Variants in MAG observed in about 807,000 individuals in gnomAD.
MAG encodes the protein myelin-associated glycoprotein.
MAG carries 30 observed loss-of-function variants against 60.7 expected under a neutral mutation model. The ratio of observed to expected loss-of-function variants is 0.49; its 90% CI spans 0.37 to 0.67. The LOEUF is 0.67. Ranked by LOEUF, MAG falls within the 30% of genes least tolerant of loss-of-function variation. The pLI is 0.00. For synonymous variants in MAG, 384 were observed against 376.8 expected (o/e 1.02, Z -0.22); for missense variants, 795 against 851.7 (o/e 0.93, Z 0.83).
In MAG at chr19:35,293,188, C is replaced by T. The variant is rs56362636; in HGVS notation, c.-80+984C>T. Among the ~76,000 whole-genome samples the T allele has an allele frequency of 0.024, 3,628 of 152,084 alleles. 147 individuals are homozygous for T. The highest frequency in any genetic ancestry group is 0.083 in the African/African-American group (3,420 of 41,442). ...GCAGCGTCGGCCAGGTGTCCATCGG[C>T]GCGTGTCTGAGTGGACGCGTCTATA... On this transcript the variant is annotated intron_variant, in intron 1 of 10. Transcript: ENST00000392213. The surrounding 1 kb of genome is among the most constrained non-coding windows in gnomAD (Gnocchi z 4.0).
chr19:35,292,980 A>G (rs1357303425), intron 1 of MAG, among the ~76,000 whole-genome samples: 1 of 152,132 alleles, frequency 6.6e-6, no homozygotes, highest in Middle Eastern at 3.4e-3. Flanking sequence ...TCTGCTGTAC[A>G]TATGTTTATG....
intron 5 of MAG, 40 bp downstream of exon 5, chr19:35,299,890 G>GGGCGGGGTCC: frequency 1.8e-6 from 2 of 1,081,316 alleles, no homozygotes; most frequent in Non-Finnish European, 2.4e-6. Context: ...GGGCGGGGTG[G>GGGCGGGGTCC]GGCGGGGTCC....
intron 7 of MAG, among the ~76,000 whole-genome samples, chr19:35,305,742 G>T (rs186209449): frequency 1.3e-5 from 2 of 152,180 alleles, no homozygotes; most frequent in African/African-American, 2.4e-5. Flanking sequence ...ATCACTTGAG[G>T]CCAGGAGTTC....
At position 35,309,532 on chromosome 19, in the gene MAG, G is replaced by A. The variant is rs142422832; in HGVS notation, c.1232-342G>A. Among the ~76,000 whole-genome samples, 425 of 152,024 alleles carry A rather than the reference G, an allele frequency of 2.8e-3. 5 individuals are homozygous for A. Among genetic ancestry groups the A allele is most frequent in the African/African-American group, 9.3e-3 (385 of 41,446 alleles). On this transcript the variant is annotated intron_variant, in intron 7 of 10. Coordinates refer to ENST00000392213, the MANE Select transcript of MAG (RefSeq NM_002361.4). ...ACCTCAAGTGATCCACTCACTCTTC[G>A]GCCTCGCAAAGTGCTAGGATTACAG...
rs913368270 is a variant in MAG, at chr19:35,312,023, G to T, written c.1716+6G>T. 9.3e-6 allele frequency: 15 copies of T among 1,611,066 alleles called. No individual in the cohort carries two copies. Among genetic ancestry groups the T allele is most frequent in the Non-Finnish European group, 1.2e-5 (14 of 1,178,542 alleles). On this transcript the variant is annotated splice_donor_region_variant and intron_variant, in intron 10 of 10. Transcript: ENST00000392213. ...GGGCACCAGAGAAGTACGAGGTAAG[G>T]ACCAGGCTCCAGGCTGGCCTGGGAA...
In MAG at chr19:35,313,466, G is replaced by A. The variant is rs2066544167; in HGVS notation, c.*12G>A. 2.5e-6 allele frequency: 4 copies of A among 1,605,928 alleles called. No individual in the cohort carries two copies. Among genetic ancestry groups the A allele is most frequent in the Non-Finnish European group, 3.4e-6 (4 of 1,176,130 alleles). On this transcript the variant is annotated 3_prime_UTR_variant, in exon 11 of 11. Coordinates refer to ENST00000392213, the MANE Select transcript of MAG (RefSeq NM_002361.4). The stretch of plus-strand genomic sequence containing the variant: ...TCCGGGTCAAGTGAAGGAGCTGGGG[G>A]CAGCCTGCGTGGCTGACCCCCCTCA...
At chr19:35,296,617 C>T (rs948677702) in intron 4 of MAG, among the ~76,000 whole-genome samples, 1 of 152,050 alleles carries the variant, frequency 6.6e-6, no homozygotes, top group African/African-American at 2.4e-5. Flanking sequence ...CAGAATAGGG[C>T]ACACTGCCTG....
At chr19:35,309,754 CT>C in intron 7 of MAG, 119 bp from the exon 8 acceptor site, 1 of 1,049,638 alleles carries the variant, frequency 9.5e-7, no homozygotes, top group Non-Finnish European at 1.4e-6. Flanking sequence ...TTGGAGGGCC[CT>C]ACAGGAAGCT....
chr19:35,292,269 G>T, intron 1 of MAG, 65 bp downstream of exon 1: 3 of 456,020 alleles, frequency 6.6e-6, no homozygotes, highest in Non-Finnish European at 1.3e-5. Flanking sequence ...GCACCCAGAC[G>T]TGAGCAGGGT....
At chr19:35,300,068 G>GT (rs1372894271) in intron 5 of MAG, 79 bp from the exon 6 acceptor site, 1 of 1,442,894 alleles carries the variant, frequency 6.9e-7, no homozygotes, top group African/African-American at 1.4e-5. Context: ...CAGTGTTGGG[G>GT]GCGGGGCCGG....
At chr19:35,303,951 C>G (rs1399483504) in intron 7 of MAG, among the ~76,000 whole-genome samples, 1 of 152,168 alleles carries the variant, frequency 6.6e-6, no homozygotes, top group South Asian at 2.1e-4. Flanking sequence ...CACTCCTCCC[C>G]AAATTTCACC....
In MAG at chr19:35,295,972, G is replaced by C; in HGVS notation, c.406G>C (p.Asp136His). 1 of 1,577,800 alleles carries C rather than the reference G, an allele frequency of 6.3e-7. No homozygotes were observed. The highest frequency in any genetic ancestry group is 8.6e-7 in the Non-Finnish European group (1 of 1,159,846). The change falls in exon 4 of 11, where the codon GAT becomes CAT. Residue 136 changes from aspartate (D) to histidine (H), a missense_variant. Transcript: ENST00000392213. This position sits in a 1 kb window ranked among gnomAD's most constrained non-coding sequence, Gnocchi z 5.8. ...CACCTTCTCAGAGCACAGCGTCCTGGATATCGTCAGTGAGTCCCCAGCGGT... is the reference window on the plus strand; with the variant it reads ...CACCTTCTCAGAGCACAGCGTCCTGCATATCGTCAGTGAGTCCCCAGCGGT... ...QYTFSEHSVL[D>H]IVNTPNIVVP...
chr19:35,300,563 T>G (rs1398701004), intron 6 of MAG, among the ~76,000 whole-genome samples, 159 bp downstream of exon 6: 1 of 152,196 alleles, frequency 6.6e-6, no homozygotes, highest in Non-Finnish European at 1.5e-5. Context: ...AGGTGTACCT[T>G]CATTCTTTCC....
rs1400742401 is a variant in MAG at position 35,293,825 on chromosome 19, G to A, written c.-79-410G>A. Among the ~76,000 whole-genome samples, 1 of 152,050 alleles carries A rather than the reference G, an allele frequency of 6.6e-6. No homozygotes were observed. Among genetic ancestry groups the A allele is most frequent in the Admixed American group, 6.5e-5 (1 of 15,276 alleles). On this transcript the variant is annotated intron_variant, in intron 1 of 10. Transcript: ENST00000392213. The surrounding 1 kb of genome is among the most constrained non-coding windows in gnomAD (Gnocchi z 4.0). ...CTTCTGGTGAGGGTGCGGACACCAG[G>A]GGCCGTCTGTGGGGTGGGAGAGGGC...
chr19:35,300,542 G>A (rs2145612956), intron 6 of MAG, 138 bp downstream of exon 6: 2 of 1,103,388 alleles, frequency 1.8e-6, no homozygotes, highest in East Asian at 2.8e-5. Context: ...AGACAGGGGG[G>A]TTGCAAGTCA....
In MAG at chr19:35,299,738, A is replaced by T. The variant is rs200695849; in HGVS notation, c.600A>T (p.Ser200=). ...REDEGTWVQV[S]LLHFVPTREA... is the part of the protein sequence containing the mutation. ...ACGAGGGCACCTGGGTGCAGGTGTC[A>T]CTGCTGCACTTCGTGCCCACGAGGG... Residue 200 remains serine, a synonymous_variant, in exon 5 of 11, where the codon TCA becomes TCT. Coordinates refer to ENST00000392213, the MANE Select transcript of MAG (RefSeq NM_002361.4). 8.1e-5 allele frequency: 126 copies of T among 1,561,928 alleles called. 1 individual carries two copies. In the South Asian group the frequency reaches 1.4e-3, roughly 17 times the overall value.
rs199932400 is a variant in MAG at position 35,295,608 on chromosome 19, C to T, written c.47-5C>T. On this transcript the variant is annotated splice_region_variant and splice_polypyrimidine_tract_variant and intron_variant, in intron 3 of 10. Transcript: ENST00000392213. This position sits in a 1 kb window ranked among gnomAD's most constrained non-coding sequence, Gnocchi z 5.8. ...CTGAGCCTCAGCTCTCCTGCTTGCC[C>T]GCAGCCTCCCGAGGGGGTCACTGGG... is the stretch of plus-strand genomic sequence containing the variant. 6 of 1,598,718 alleles carry T rather than the reference C, an allele frequency of 3.8e-6. No homozygotes were observed. Among genetic ancestry groups the T allele is most frequent in the Admixed American group, 1.7e-5 (1 of 59,316 alleles).
chr19:35,294,971 G>A (rs73599079), intron 2 of MAG, among the ~76,000 whole-genome samples: 4,572 of 152,056 alleles, frequency 0.03, 229 homozygotes, highest in African/African-American at 0.1. Flanking sequence ...AAAAATATCA[G>A]CAGACCAGGC....
intron 6 of MAG, among the ~76,000 whole-genome samples, chr19:35,302,148 CT>C (rs1302651305): frequency 6.6e-6 from 1 of 152,206 alleles, no homozygotes; most frequent in Non-Finnish European, 1.5e-5. Flanking sequence ...ATGATCACCC[CT>C]ATGAGGTTGG....
Sources: allele counts gnomAD v4.1 joint callset (sites outside exome capture counted in the v4.1 genomes callset), GRCh38; gene constraint gnomAD v4.1.1; non-coding constraint Gnocchi (gnomAD v3.1); transcripts MANE v1.5; gene names NCBI Gene and HGNC (gene_info 2026-07-23, HGNC 2026-07-21).